Variants in TOX3 observed in about 807,000 individuals in gnomAD.
TOX3 encodes the protein CAG trinucleotide repeat-containing gene F9 protein.
Under a neutral mutation model 64.3 loss-of-function variants are expected in TOX3, and 22 were observed. The ratio of observed to expected loss-of-function variants is 0.34; its 90% confidence interval spans 0.24 to 0.49. The LOEUF is 0.49. Among genes scored for constraint, TOX3 ranks in the 20% least tolerant of loss-of-function variants. TOX3 has a pLI of 0.99. For missense variants in TOX3, 661 were observed against 714.4 expected, an observed-to-expected ratio of 0.93 and a Z score of 0.85; for synonymous variants, 291 against 273.6, an observed-to-expected ratio of 1.06 and a Z score of -0.63.
intron 1 of TOX3, among the ~76,000 whole-genome samples, chr16:52,515,852 T>C (rs1480737882): frequency 1.3e-5 from 2 of 152,208 alleles, no homozygotes; most frequent in Non-Finnish European, 2.9e-5. Flanking sequence ...TTAATCAACA[T>C]CCAAAAAGTG....
At chr16:52,457,417 C>A (rs746798248) in intron 3 of TOX3, among the ~76,000 whole-genome samples, 1 of 152,066 alleles carries the variant, frequency 6.6e-6, no homozygotes, top group South Asian at 2.1e-4. Context: ...CAGAAATATT[C>A]TCCATAACGA....
At chr16:52,522,239 G>A (rs1962627729) in intron 1 of TOX3, among the ~76,000 whole-genome samples, 2 of 152,158 alleles carry the variant, frequency 1.3e-5, no homozygotes, top group African/African-American at 4.8e-5. Context: ...GAGGTTCATA[G>A]GCTTTGTCTC....
At chr16:52,481,336 A>G (rs1477545499) in intron 1 of TOX3, among the ~76,000 whole-genome samples, 4 of 152,224 alleles carry the variant, frequency 2.6e-5, no homozygotes, top group Non-Finnish European at 5.9e-5. Context: ...GTTCCTGCTG[A>G]GAATAAGCCA....
intron 1 of TOX3, among the ~76,000 whole-genome samples, chr16:52,468,845 C>A (rs1428986790): frequency 1.3e-5 from 2 of 152,158 alleles, no homozygotes; most frequent in African/African-American, 2.4e-5. Flanking sequence ...GCCAACTGGT[C>A]ACCAGTGTGT....
chr16:52,466,333 C>A (rs1409185914), intron 2 of TOX3, among the ~76,000 whole-genome samples: 1 of 152,078 alleles, frequency 6.6e-6, no homozygotes, highest in Non-Finnish European at 1.5e-5. Context: ...CTCAGAGTAT[C>A]CTAGTTCCTG....
intron 1 of TOX3, among the ~76,000 whole-genome samples, chr16:52,524,491 T>C (rs1373409445): frequency 6.6e-6 from 1 of 152,234 alleles, no homozygotes; most frequent in Non-Finnish European, 1.5e-5. Flanking sequence ...CGGGTACGTG[T>C]ACTCAATTAC....
chr16:52,543,047 A>G lies in TOX3; in HGVS notation c.87+3590T>C, dbSNP rs185333198. Among the ~76,000 whole-genome samples, 405 of 152,360 alleles carry G rather than the reference A, an allele frequency of 2.7e-3. 3 individuals are homozygous for G. Among genetic ancestry groups the G allele is most frequent in the African/African-American group, 9.3e-3 (388 of 41,588 alleles). On this transcript the variant is annotated intron_variant, in intron 1 of 6. Coordinates refer to ENST00000219746, the MANE Select transcript of TOX3 (RefSeq NM_001080430.4). ...TAATCTAAGTAAGGGTGAGAGGTCA[A>G]TAGCCATAATTCAAAAGGAAAAGCC...
chr16:52,515,011 C>CAAAAA lies in TOX3; in HGVS notation c.87+31621_87+31625dup, dbSNP rs56746564. 6.3e-4 allele frequency among the ~76,000 whole-genome samples: 10 copies of CAAAAA among 15,840 alleles called. 2 individuals carry two copies. The highest frequency in any genetic ancestry group is 6.0e-3 in the East Asian group (3 of 504). The allele number at this position is 15,840 out of a possible 152,430, so 10.4% of individuals were successfully genotyped here. On this transcript the variant is annotated intron_variant, in intron 1 of 6. Transcript: ENST00000219746. ...TGGACCACAGAGCGAGACTCCATCT[C>CAAAAA]AAAAAAAAAAAAAAAAAAAAAAAAA...
Position 52,527,638 on chromosome 16 carries a change from T to C in TOX3, c.87+18999A>G, listed in dbSNP as rs1028797502. Among the ~76,000 whole-genome samples, 10 of 152,310 alleles carry C rather than the reference T, an allele frequency of 6.6e-5. No individual in the cohort carries two copies. In the South Asian group the frequency reaches 1.9e-3, roughly 28 times the overall value. On this transcript the variant is annotated intron_variant, in intron 1 of 6. Transcript: ENST00000219746. ...TATTTTACCTGATCCAGGAGCCTCC[T>C]TCCCTGGTGACTACCTACTCCTCAG... is the stretch of plus-strand genomic sequence containing the variant.
intron 3 of TOX3, among the ~76,000 whole-genome samples, chr16:52,460,178 A>G (rs1161903698): frequency 6.6e-6 from 1 of 152,176 alleles, no homozygotes; most frequent in Non-Finnish European, 1.5e-5. Context: ...TCCGTTTGAT[A>G]TTGCTAGAGC....
intron 6 of TOX3, 51 bp downstream of exon 6, chr16:52,444,224 GT>G: frequency 7.1e-7 from 1 of 1,418,330 alleles, no homozygotes; most frequent in Non-Finnish European, 9.5e-7. Flanking sequence ...CTTGAGGGCT[GT>G]TTTCCACGCT....
chr16:52,450,464 G>A lies in TOX3; in HGVS notation c.491C>T (p.Ala164Val), dbSNP rs368183535. Residue 164 changes from alanine (A) to valine (V), a missense_variant, in exon 4 of 7, where the codon GCG becomes GTG. Around this residue, in one of 3 missense-constraint regions of TOX3, gnomAD observed 259 missense variants for 261.2 expected, o/e 0.99. Transcript: ENST00000219746. ...GGCAGGAGGCATGACCCCAGAACGC[G>A]CAGCATCGGTCATGTGGACGATGGA... Reference protein sequence around the residue: ...MRSIVHMTDAARSGVMPPAQL... With the variant: ...MRSIVHMTDAVRSGVMPPAQL... 1.4e-4 allele frequency: 226 copies of A among 1,614,034 alleles called. 1 individual carries two copies. In the Admixed American group the frequency reaches 1.5e-3, roughly 10 times the overall value.
intron 3 of TOX3, 24 bp from the exon 4 acceptor site, chr16:52,450,570 GA>G (rs1960309083): frequency 6.2e-7 from 1 of 1,612,622 alleles, no homozygotes; most frequent in African/African-American, 1.3e-5. Context: ...AACAAAGGGG[GA>G]AAATATTTCA....
intron 1 of TOX3, among the ~76,000 whole-genome samples, chr16:52,482,031 A>G (rs575645983): frequency 1.1e-4 from 17 of 152,306 alleles, no homozygotes; most frequent in African/African-American, 3.8e-4. Flanking sequence ...ATTTTAAAAG[A>G]AGGGTTTTTG....
chr16:52,447,329 T>C lies in TOX3; in HGVS notation c.679-1108A>G, dbSNP rs946015067. The stretch of plus-strand genomic sequence containing the variant: ...AAGATAGATTCAAGTTACTAACAGA[T>C]AGGCTTTTAATGACTTGAATTCTAA... On this transcript the variant is annotated intron_variant, in intron 4 of 6. Transcript: ENST00000219746. Among the ~76,000 whole-genome samples the C allele has an allele frequency of 9.5e-4, 144 of 152,342 alleles. 1 individual carries two copies. The highest frequency in any genetic ancestry group is 1.1e-3 in the Non-Finnish European group (74 of 68,024).
At chr16:52,486,058 C>A (rs1271232662) in intron 1 of TOX3, among the ~76,000 whole-genome samples, 1 of 152,110 alleles carries the variant, frequency 6.6e-6, no homozygotes, top group East Asian at 1.9e-4. Flanking sequence ...CTGTCATTTA[C>A]CAGAAAAGTC....
At chr16:52,544,384 G>A (rs1372546951) in intron 1 of TOX3, among the ~76,000 whole-genome samples, 4 of 152,056 alleles carry the variant, frequency 2.6e-5, no homozygotes, top group African/African-American at 4.8e-5. Flanking sequence ...TTTCACTTCC[G>A]AAAATAAAAG....
At chr16:52,504,977 G>A (rs1962122399) in intron 1 of TOX3, among the ~76,000 whole-genome samples, 1 of 152,128 alleles carries the variant, frequency 6.6e-6, no homozygotes. Flanking sequence ...TGGGATTTCA[G>A]GCCCGCGCCA....
chr16:52,493,723 C>T (rs1403296072), intron 1 of TOX3, among the ~76,000 whole-genome samples: 1 of 152,178 alleles, frequency 6.6e-6, no homozygotes, highest in Admixed American at 6.5e-5. Flanking sequence ...TCTAAACAGT[C>T]TTTGCTTCCA....
Sources: allele counts gnomAD v4.1 joint callset (sites outside exome capture counted in the v4.1 genomes callset), GRCh38; gene constraint gnomAD v4.1.1; regional missense constraint gnomAD v4.1.1; transcripts MANE v1.5; gene names NCBI Gene and HGNC (gene_info 2026-07-23, HGNC 2026-07-21).